The following WWOX variants were observed in gnomAD, a reference collection of about 807,000 sequenced individuals.
WWOX encodes WW domain containing oxidoreductase.
WWOX carries 69 observed loss-of-function variants against 46.2 expected under a neutral mutation model. The observed-to-expected ratio is 1.49, with a 90% CI of 1.23 to 1.82. The LOEUF (loss-of-function observed/expected upper bound fraction) is 1.82. WWOX is among the 40% of genes most tolerant of loss of function. The pLI, the probability that WWOX is intolerant of heterozygous loss-of-function variation, is 0.00. For synonymous variants in WWOX, 359 were observed against 202.6 expected (o/e 1.77, Z -6.56); for missense variants, 919 against 542.6 (o/e 1.69, Z -6.89).
chr16:78,715,152 A>T (rs1443145689), intron 8 of WWOX, among the ~76,000 whole-genome samples: 1 of 152,132 alleles, frequency 6.6e-6, no homozygotes, highest in African/African-American at 2.4e-5. Context: ...ATGAATTAGG[A>T]TTGGAAACAC....
At chr16:78,721,358 A>G (rs185553191) in intron 8 of WWOX, among the ~76,000 whole-genome samples, 1 of 152,272 alleles carries the variant, frequency 6.6e-6, no homozygotes, top group African/African-American at 2.4e-5. Context: ...TTACTGTTTA[A>G]TTTTTAGGTC....
intron 8 of WWOX, among the ~76,000 whole-genome samples, chr16:79,201,532 A>G (rs1025995602): frequency 6.6e-6 from 1 of 152,176 alleles, no homozygotes. Context: ...TGGAAACTTC[A>G]ATAAAAAAGT....
chr16:78,925,528 T>G (rs541781843), intron 8 of WWOX, among the ~76,000 whole-genome samples: 11 of 152,354 alleles, frequency 7.2e-5, no homozygotes, highest in African/African-American at 2.4e-4. Flanking sequence ...TTATGTGTGT[T>G]GTTTTCTGCT....
intron 8 of WWOX, among the ~76,000 whole-genome samples, chr16:78,846,266 A>C (rs2052296212): frequency 6.6e-6 from 1 of 152,214 alleles, no homozygotes; most frequent in South Asian, 2.1e-4. Flanking sequence ...CTGAGAAGTT[A>C]ACCTTGTTAT....
Position 78,164,296 on chromosome 16 carries a change from G to T in WWOX, c.516+7G>T, listed in dbSNP as rs769717758. 6.2e-6 allele frequency: 10 copies of T among 1,612,718 alleles called. No individual in the cohort carries two copies. The highest frequency in any genetic ancestry group is 8.5e-6 in the Non-Finnish European group (10 of 1,179,170). ...ACGCATTTTAGAAGAATGGGTAAGTGCTTGACTGTTGTTGTTTTTTTTAAT... is the reference window on the plus strand; with the variant it reads ...ACGCATTTTAGAAGAATGGGTAAGTTCTTGACTGTTGTTGTTTTTTTTAAT... On this transcript the variant is annotated splice_region_variant and intron_variant, in intron 5 of 8. Transcript: ENST00000566780.
chr16:78,554,510 T>C (rs2044243947), intron 8 of WWOX, among the ~76,000 whole-genome samples: 2 of 152,144 alleles, frequency 1.3e-5, no homozygotes, highest in East Asian at 1.9e-4. Context: ...CATACACATA[T>C]ATGCACAGTA....
chr16:78,572,075 C>T lies in WWOX; in HGVS notation c.1056+139323C>T, dbSNP rs141698923. ...CTTAGCAACTTATGCAATTTGGTTC[C>T]TATAAAGATGCCTTAGAGAAACTGT... On this transcript the variant is annotated intron_variant, in intron 8 of 8. Coordinates refer to ENST00000566780, the MANE Select transcript of WWOX (RefSeq NM_016373.4). Among the ~76,000 whole-genome samples the T allele has an allele frequency of 1.4e-3, 220 of 152,226 alleles. 1 individual carries two copies. Among genetic ancestry groups the T allele is most frequent in the African/African-American group, 5.1e-3 (211 of 41,524 alleles).
chr16:78,243,707 C>T (rs1054748707), intron 5 of WWOX, among the ~76,000 whole-genome samples: 7 of 152,116 alleles, frequency 4.6e-5, no homozygotes, highest in South Asian at 2.1e-4. Context: ...CCACCATGCC[C>T]GGCTAAGTTT....
chr16:78,438,498 C>T (rs1054691405), intron 8 of WWOX, among the ~76,000 whole-genome samples: 2 of 151,744 alleles, frequency 1.3e-5, no homozygotes, highest in African/African-American at 4.9e-5. Context: ...CTGGTAAATA[C>T]ATCCTTGCCA....
At chr16:78,635,036 C>T (rs114554610) in intron 8 of WWOX, among the ~76,000 whole-genome samples, 2,534 of 152,210 alleles carry the variant, frequency 0.017, 62 homozygotes, top group African/African-American at 0.057. Context: ...CCAACCCTGA[C>T]GGCTTCCCTG....
At chr16:78,709,130 T>A (rs2048385237) in intron 8 of WWOX, among the ~76,000 whole-genome samples, 1 of 152,210 alleles carries the variant, frequency 6.6e-6, no homozygotes, top group Admixed American at 6.5e-5. Context: ...CTCCTCCTCG[T>A]TCTCTAAATC....
intron 8 of WWOX, among the ~76,000 whole-genome samples, chr16:78,902,984 G>A (rs149949107): frequency 2.8e-4 from 42 of 152,290 alleles, no homozygotes; most frequent in Middle Eastern, 6.8e-3. Context: ...TGTTACCAGC[G>A]GAGGGTGTCC....
rs1212764061 is a variant in WWOX, at chr16:78,249,257, C to G, written c.516+84968C>G. 2.0e-5 allele frequency among the ~76,000 whole-genome samples: 3 copies of G among 152,146 alleles called. No homozygotes were observed. The East Asian group carries it at 5.8e-4, about 29-fold the overall frequency. Reference sequence around the variant, plus strand: ...TGTTGTGAATGTGAACCCAGGAAGTCCGCCTCCAGAGCTGCAGGCATTAAT... The same window carrying G: ...TGTTGTGAATGTGAACCCAGGAAGTGCGCCTCCAGAGCTGCAGGCATTAAT... On this transcript the variant is annotated intron_variant, in intron 5 of 8. Coordinates refer to ENST00000566780, the MANE Select transcript of WWOX (RefSeq NM_016373.4).
intron 5 of WWOX, among the ~76,000 whole-genome samples, chr16:78,385,089 G>T (rs977121101): frequency 1.3e-5 from 2 of 151,310 alleles, no homozygotes; most frequent in Non-Finnish European, 2.9e-5. Context: ...AGCCAAGATG[G>T]TGCCACTGCA....
At chr16:78,963,355 G>A (rs1388233754) in intron 8 of WWOX, among the ~76,000 whole-genome samples, 1 of 152,136 alleles carries the variant, frequency 6.6e-6, no homozygotes, top group Non-Finnish European at 1.5e-5. Flanking sequence ...TGTGGTCCCA[G>A]CTACTTGGGC....
Position 78,581,433 on chromosome 16 carries a change from A to G in WWOX, c.1056+148681A>G, listed in dbSNP as rs748367054. On this transcript the variant is annotated intron_variant, in intron 8 of 8. Transcript: ENST00000566780. ...GGAAAAACTAACAGGAACTGGTTTT[A>G]TTTTAATTGAGTTTTAAAGCACTTC... 4.4e-4 allele frequency among the ~76,000 whole-genome samples: 67 copies of G among 152,280 alleles called. 1 individual carries two copies. Among genetic ancestry groups the G allele is most frequent in the Middle Eastern group, 3.4e-3 (1 of 294 alleles).
chr16:78,338,659 A>C (rs2080946658), intron 5 of WWOX, among the ~76,000 whole-genome samples: 1 of 121,344 alleles, frequency 8.2e-6, no homozygotes, highest in Admixed American at 8.0e-5. Flanking sequence ...CAGTTGAAAA[A>C]TAGAAATAGT....
At chr16:78,759,581 C>G (rs1286148175) in intron 8 of WWOX, among the ~76,000 whole-genome samples, 9 of 152,082 alleles carry the variant, frequency 5.9e-5, no homozygotes, top group Non-Finnish European at 1.0e-4. Flanking sequence ...AACTAACCCT[C>G]TAAAGAATTC....
At chr16:79,043,824 A>G (rs114413704) in intron 8 of WWOX, among the ~76,000 whole-genome samples, 2,034 of 152,252 alleles carry the variant, frequency 0.013, 41 homozygotes, top group African/African-American at 0.046. Flanking sequence ...ATTCTAAGAC[A>G]GGCTTAGATG....
Sources: allele counts gnomAD v4.1 joint callset (sites outside exome capture counted in the v4.1 genomes callset), GRCh38; gene constraint gnomAD v4.1.1; transcripts MANE v1.5; gene names NCBI Gene and HGNC (gene_info 2026-07-23, HGNC 2026-07-21).